The following FHIT variants were observed in gnomAD, a reference collection of about 807,000 sequenced individuals.
The protein encoded by FHIT is fragile histidine triad diadenosine triphosphatase.
FHIT carries 19 observed loss-of-function variants against 17.9 expected under a neutral mutation model. The ratio of observed to expected loss-of-function variants is 1.06; its 90% confidence interval spans 0.74 to 1.56. The LOEUF (loss-of-function observed/expected upper bound fraction) is 1.56, where lower values mean the gene tolerates loss of function less well. FHIT is among the 40% of genes most tolerant of loss of function. FHIT has a pLI of 0.00. For missense variants in FHIT, 248 were observed against 189.2 expected (o/e 1.31, Z -1.82); for synonymous variants, 81 against 69.7 (o/e 1.16, Z -0.81).
intron 5 of FHIT, among the ~76,000 whole-genome samples, chr3:60,143,508 A>T (rs1576193267): frequency 1.3e-5 from 2 of 152,236 alleles, no homozygotes; most frequent in East Asian, 3.9e-4. Context: ...AGAGCCATCC[A>T]CTGAGCCCAG....
intron 7 of FHIT, among the ~76,000 whole-genome samples, chr3:59,989,180 C>G (rs1007826395): frequency 1.3e-5 from 2 of 152,012 alleles, no homozygotes; most frequent in Non-Finnish European, 2.9e-5. Context: ...TCGGGAAAGG[C>G]AGATATTCTC....
intron 5 of FHIT, among the ~76,000 whole-genome samples, chr3:60,074,122 T>C (rs1051844649): frequency 1.1e-4 from 16 of 152,054 alleles, no homozygotes; most frequent in Non-Finnish European, 5.9e-5. Flanking sequence ...GACAGACACA[T>C]GGACTTAACT....
intron 2 of FHIT, among the ~76,000 whole-genome samples, chr3:61,157,884 G>T (rs1484269198): frequency 6.6e-6 from 1 of 152,082 alleles, no homozygotes; most frequent in Non-Finnish European, 1.5e-5. Context: ...GTTAGTAGTT[G>T]GTTACCTCTT....
In FHIT at chr3:60,823,382, T is replaced by C. The variant is rs186402286; in HGVS notation, c.-110-1371A>G. ...AATGTGACCTTATTTGGTAATAGGA[T>C]TGATACAGATATAATTATTTAAGTT... On this transcript the variant is annotated intron_variant, in intron 3 of 9. Transcript: ENST00000492590. 7.9e-5 allele frequency among the ~76,000 whole-genome samples: 12 copies of C among 152,264 alleles called. No homozygotes were observed. The East Asian group carries it at 2.1e-3, about 27-fold the overall frequency.
chr3:61,199,198 G>C (rs2038943450), intron 2 of FHIT, among the ~76,000 whole-genome samples: 1 of 152,086 alleles, frequency 6.6e-6, no homozygotes, highest in South Asian at 2.1e-4. Context: ...GATTTTCATT[G>C]AGAATAAAGA....
intron 5 of FHIT, among the ~76,000 whole-genome samples, chr3:60,438,358 C>T (rs1444215863): frequency 6.6e-6 from 1 of 151,998 alleles, no homozygotes; most frequent in Non-Finnish European, 1.5e-5. Flanking sequence ...CCACCCAGAA[C>T]ATGCTTACTA....
At chr3:59,811,858 G>C (rs2605441) in intron 8 of FHIT, among the ~76,000 whole-genome samples, 11,552 of 152,240 alleles carry the variant, frequency 0.076, 552 homozygotes, top group Non-Finnish European at 0.11. Context: ...AGGCACATTT[G>C]GTCTTGTGGA....
chr3:61,096,095 A>G (rs11921290), intron 2 of FHIT, among the ~76,000 whole-genome samples: 22,669 of 152,252 alleles, frequency 0.15, 1,810 homozygotes, highest in South Asian at 0.21. Flanking sequence ...AGATGCACTC[A>G]TAACCAAGAG....
At chr3:61,113,186 T>G (rs2036210033) in intron 2 of FHIT, among the ~76,000 whole-genome samples, 2 of 152,012 alleles carry the variant, frequency 1.3e-5, no homozygotes, top group African/African-American at 4.8e-5. Flanking sequence ...TTATTTTTAA[T>G]TTTTGTAGAG....
At chr3:60,465,734 G>A (rs2032751814) in intron 5 of FHIT, among the ~76,000 whole-genome samples, 1 of 151,988 alleles carries the variant, frequency 6.6e-6, no homozygotes, top group Non-Finnish European at 1.5e-5. Flanking sequence ...CCTCTATAGT[G>A]TTCCATTGGT....
At chr3:60,714,865 T>C (rs2041639365) in intron 4 of FHIT, among the ~76,000 whole-genome samples, 1 of 152,186 alleles carries the variant, frequency 6.6e-6, no homozygotes. Context: ...CTGCCCAAGG[T>C]AATTTATAGA....
intron 3 of FHIT, among the ~76,000 whole-genome samples, chr3:60,953,371 A>G (rs1453167279): frequency 6.6e-6 from 1 of 152,162 alleles, no homozygotes; most frequent in Non-Finnish European, 1.5e-5. Flanking sequence ...CTCGAACTGG[A>G]TTCCAACTAT....
chr3:60,452,505 C>T (rs952765514), intron 5 of FHIT, among the ~76,000 whole-genome samples: 2 of 152,054 alleles, frequency 1.3e-5, no homozygotes, highest in African/African-American at 2.4e-5. Context: ...TACATGAGAC[C>T]AATAGAATGT....
chr3:60,091,410 C>A (rs1265565505), intron 5 of FHIT, among the ~76,000 whole-genome samples: 1 of 152,150 alleles, frequency 6.6e-6, no homozygotes, highest in African/African-American at 2.4e-5. Context: ...GGCTAGAGAA[C>A]AGATGGCTGC....
At chr3:59,948,138 G>C (rs189975032) in intron 7 of FHIT, among the ~76,000 whole-genome samples, 7 of 152,124 alleles carry the variant, frequency 4.6e-5, no homozygotes, top group Non-Finnish European at 8.8e-5. Flanking sequence ...GTACACATAG[G>C]TTTCCCTTTC....
intron 5 of FHIT, among the ~76,000 whole-genome samples, chr3:60,410,140 G>A (rs756511629): frequency 7.9e-5 from 12 of 152,172 alleles, no homozygotes; most frequent in African/African-American, 1.9e-4. Context: ...GTGATGCCAC[G>A]TTTTGATGCT....
chr3:61,197,312 A>C (rs1417367611), intron 2 of FHIT, among the ~76,000 whole-genome samples: 1 of 152,222 alleles, frequency 6.6e-6, no homozygotes, highest in Non-Finnish European at 1.5e-5. Context: ...TCAGATCTTA[A>C]AGAAAGTTAG....
intron 5 of FHIT, among the ~76,000 whole-genome samples, chr3:60,057,355 T>C (rs1702122595): frequency 6.6e-6 from 1 of 152,182 alleles, no homozygotes; most frequent in Non-Finnish European, 1.5e-5. Flanking sequence ...TTCAGAGCTT[T>C]GATGTGCCAC....
At chr3:60,121,770 G>A (rs74278845) in intron 5 of FHIT, among the ~76,000 whole-genome samples, 22,897 of 150,998 alleles carry the variant, frequency 0.15, 1,845 homozygotes, top group South Asian at 0.21. Context: ...TAATGTCACA[G>A]TGCCATCCCT....
Sources: gnomAD v4.1 joint callset for allele counts (sites outside exome capture counted in the v4.1 genomes callset) on GRCh38, gnomAD v4.1.1 for gene constraint, MANE v1.5 for transcripts, NCBI Gene and HGNC (gene_info 2026-07-23, HGNC 2026-07-21) for gene names.